Variants in KHDRBS1 observed in about 807,000 individuals in gnomAD.
KHDRBS1 encodes the protein KH RNA binding domain containing, signal transduction associated 1.
In KHDRBS1, 7 loss-of-function variants were observed where a neutral mutation model predicts 48.4. That is an observed-to-expected ratio of 0.14 (90% confidence interval 0.08 to 0.27). The LOEUF (loss-of-function observed/expected upper bound fraction) is 0.27. Ranked by LOEUF, KHDRBS1 falls within the 10% of genes least tolerant of loss-of-function variation. The pLI is 1.00. For missense variants in KHDRBS1, 458 were observed against 601.2 expected, an observed-to-expected ratio of 0.76 and a Z score of 2.49; for synonymous variants, 241 against 235.8, an observed-to-expected ratio of 1.02 and a Z score of -0.20.
intron 4 of KHDRBS1, 91 bp downstream of exon 4, chr1:32,033,425 G>A: frequency 6.5e-7 from 1 of 1,530,838 alleles, no homozygotes; most frequent in South Asian, 1.2e-5. Context: ...TAAGGTCTCT[G>A]CATAACCTGT....
rs189667428 is a variant in KHDRBS1 at position 32,029,204 on chromosome 1, G to A, written c.383-1094G>A. 9.6e-4 allele frequency among the ~76,000 whole-genome samples: 146 copies of A among 152,198 alleles called. 1 individual carries two copies. Among genetic ancestry groups the A allele is most frequent in the Admixed American group, 8.1e-3 (124 of 15,284 alleles). On this transcript the variant is annotated intron_variant, in intron 1 of 8. Transcript: ENST00000327300. Reference sequence around the variant, plus strand: ...CTATCTAATGAAACTGTCTTAACCCGCGAATTGAAAGTACTTTTAGGTGAT... The same window carrying A: ...CTATCTAATGAAACTGTCTTAACCCACGAATTGAAAGTACTTTTAGGTGAT...
intron 1 of KHDRBS1, among the ~76,000 whole-genome samples, chr1:32,016,199 AAAAG>A (rs962905014): frequency 6.6e-5 from 10 of 151,806 alleles, no homozygotes; most frequent in South Asian, 2.1e-4. Flanking sequence ...AAAAAAAAAA[AAAAG>A]AAAAGAACAC....
intron 4 of KHDRBS1, among the ~76,000 whole-genome samples, chr1:32,035,631 A>AC (rs1186729295): frequency 1.3e-5 from 2 of 152,236 alleles, no homozygotes; most frequent in Non-Finnish European, 2.9e-5. Flanking sequence ...TAGGAAGAGC[A>AC]CTGGACTATG....
At chr1:32,060,473 T>C (rs958257483) in exon 11 of KHDRBS1, 1 of 152,114 alleles carries the variant, frequency 6.6e-6, no homozygotes, top group African/African-American at 2.4e-5. Context: ...CAACTCCTAC[T>C]GTGCCATTCC....
intron 1 of KHDRBS1, among the ~76,000 whole-genome samples, chr1:32,015,150 A>G (rs996060689): frequency 3.9e-5 from 6 of 152,150 alleles, no homozygotes; most frequent in Non-Finnish European, 7.4e-5. Context: ...GAGAAGTTGC[A>G]TGATGCTTGT....
chr1:32,025,288 C>G (rs1053782943), intron 1 of KHDRBS1, among the ~76,000 whole-genome samples: 2 of 143,048 alleles, frequency 1.4e-5, no homozygotes, highest in Non-Finnish European at 3.0e-5. Flanking sequence ...AAATTCGGCT[C>G]CTCCTTTTTT....
chr1:32,055,072 A>C (rs1639465287), intron 10 of KHDRBS1, among the ~76,000 whole-genome samples: 2 of 152,168 alleles, frequency 1.3e-5, no homozygotes, highest in South Asian at 4.1e-4. Context: ...TGGCCGCATG[A>C]TCAGCTTACA....
chr1:32,021,132 A>AT (rs547670806), intron 1 of KHDRBS1, among the ~76,000 whole-genome samples: 4 of 151,880 alleles, frequency 2.6e-5, no homozygotes, highest in Non-Finnish European at 5.9e-5. Context: ...AAAAAAAAAA[A>AT]TTTTCAAAGT....
intron 5 of KHDRBS1, among the ~76,000 whole-genome samples, chr1:32,037,443 C>CAA (rs1426963678): frequency 0.039 from 4,839 of 125,664 alleles, 255 homozygotes; most frequent in African/African-American, 0.13. Context: ...GACTCCATTT[C>CAA]AAAAAAAAAA....
At chr1:32,060,734 C>T (rs1639534511) in exon 11 of KHDRBS1, 2 of 152,198 alleles carry the variant, frequency 1.3e-5, no homozygotes, top group African/African-American at 4.8e-5. Flanking sequence ...TTGTTTATTA[C>T]TTACCTTGTC....
chr1:32,026,762 G>A (rs999694618), intron 1 of KHDRBS1, among the ~76,000 whole-genome samples: 2 of 152,152 alleles, frequency 1.3e-5, no homozygotes, highest in South Asian at 2.1e-4. Flanking sequence ...AGCACAAAGC[G>A]ACATAGATAA....
chr1:32,046,349 G>T (rs1446933447), downstream of KHDRBS1, among the ~76,000 whole-genome samples: 1 of 152,056 alleles, frequency 6.6e-6, no homozygotes, highest in African/African-American at 2.4e-5. Context: ...GAGTACCTGG[G>T]ACTACAGGCA....
chr1:32,013,970 G>T lies in KHDRBS1; in HGVS notation c.-26G>T. Reference sequence around the variant, plus strand: ...TCCGTCGCTGCCGCGTCGCTTTCTCGCTCCTTGGATCGCACATCCTCCCAG... The same window carrying T: ...TCCGTCGCTGCCGCGTCGCTTTCTCTCTCCTTGGATCGCACATCCTCCCAG... On this transcript the variant is annotated 5_prime_UTR_variant, in exon 1 of 9. Transcript: ENST00000327300. 1 of 1,452,138 alleles carries T rather than the reference G, an allele frequency of 6.9e-7. No homozygotes were observed. The highest frequency in any genetic ancestry group is 9.0e-7 in the Non-Finnish European group (1 of 1,109,668). The allele number at this position is 1,452,138 out of a possible 1,614,324, so 90.0% of individuals were successfully genotyped here.
chr1:32,036,055 C>T (rs900749791), intron 4 of KHDRBS1, among the ~76,000 whole-genome samples: 12 of 151,872 alleles, frequency 7.9e-5, no homozygotes, highest in Non-Finnish European at 1.3e-4. Context: ...TAGAGTCTGC[C>T]ATTTATTAGC....
At chr1:32,054,465 A>G (rs1639457427) in intron 10 of KHDRBS1, 2 of 152,084 alleles carry the variant, frequency 1.3e-5, no homozygotes, top group African/African-American at 4.8e-5. Context: ...AGATGTCTGG[A>G]CTTACCTATG....
At chr1:32,046,403 C>G (rs539338597), downstream of KHDRBS1, among the ~76,000 whole-genome samples, 13 of 152,008 alleles carry the variant, frequency 8.6e-5, no homozygotes, top group South Asian at 1.2e-3. Flanking sequence ...TTAGTAGAGA[C>G]GAGGTTTCAC....
chr1:32,029,043 A>G (rs1186637496), intron 1 of KHDRBS1, among the ~76,000 whole-genome samples: 1 of 152,118 alleles, frequency 6.6e-6, no homozygotes, highest in African/African-American at 2.4e-5. Context: ...TAAGTCCTCC[A>G]TAGTGGTTAA....
rs528640023 is a variant in KHDRBS1 at position 32,016,654 on chromosome 1, A to G, written c.382+2277A>G. On this transcript the variant is annotated intron_variant, in intron 1 of 8. Transcript: ENST00000327300. ...CTCCAGGCACCTTTGACCATTCCCA[A>G]TAAGGTACCGTGAGACCCTGAGCAC... Among the ~76,000 whole-genome samples, 14 of 152,274 alleles carry G rather than the reference A, an allele frequency of 9.2e-5. No individual in the cohort carries two copies. In the East Asian group the frequency reaches 2.5e-3, roughly 27 times the overall value.
chr1:32,051,327 ACTGCCTT>A lies in KHDRBS1; in HGVS notation n.1301+5938_1301+5944del, dbSNP rs1324384387. Among the ~76,000 whole-genome samples, 13 of 152,244 alleles carry A rather than the reference ACTGCCTT, an allele frequency of 8.5e-5. No homozygotes were observed. The East Asian group carries it at 2.3e-3, about 27-fold the overall frequency. On this transcript the variant is annotated intron_variant and non_coding_transcript_variant, in intron 10 of 10. Coordinates refer to the KHDRBS1 transcript ENST00000484270. Reference sequence around the variant, plus strand: ...GTTAACCACAGATGTATGTAGGTGTACTGCCTTTTGAAGTAGTTATTACTTAAAAGTT... The same window carrying A: ...GTTAACCACAGATGTATGTAGGTGTATTGAAGTAGTTATTACTTAAAAGTT...
Sources: allele counts gnomAD v4.1 joint callset (sites outside exome capture counted in the v4.1 genomes callset), GRCh38; gene constraint gnomAD v4.1.1; transcripts MANE v1.5; gene names NCBI Gene and HGNC (gene_info 2026-07-23, HGNC 2026-07-21).